Variants in THAP4 observed in about 807,000 individuals in gnomAD.
The protein encoded by THAP4 is THAP domain containing 4.
A neutral mutation model predicts 48.1 loss-of-function variants in THAP4; 18 were observed. That is an observed-to-expected ratio of 0.37 (90% CI 0.26 to 0.56). THAP4 has a LOEUF of 0.56. THAP4 is among the 20% of genes least tolerant of loss of function. The probability of loss-of-function intolerance (pLI) is 0.78; values close to 1 mark genes in which losing one functional copy is unlikely to be tolerated. For synonymous variants in THAP4, 345 were observed against 324.9 expected, an observed-to-expected ratio of 1.06 and a Z score of -0.66; for missense variants, 656 against 774.9, an observed-to-expected ratio of 0.85 and a Z score of 1.82.
chr2:241,612,788 A>T lies in THAP4; in HGVS notation c.1241-6315T>A, dbSNP rs2125085290. Among the ~76,000 whole-genome samples, 1 of 152,306 alleles carries T rather than the reference A, an allele frequency of 6.6e-6. No individual in the cohort carries two copies. Among genetic ancestry groups the T allele is most frequent in the South Asian group, 2.1e-4 (1 of 4,806 alleles). On this transcript the variant is annotated intron_variant, in intron 2 of 5. Transcript: ENST00000407315. This position sits in a 1 kb window ranked among gnomAD's most constrained non-coding sequence, Gnocchi z 4.1. ...CTGTGGCAGAAGACGCTAGAGTCAC[A>T]CGTAGAAGGCGCATGAGGAGGGAAG...
intron 2 of THAP4, among the ~76,000 whole-genome samples, chr2:241,611,317 C>T (rs560373853): frequency 2.0e-5 from 3 of 149,470 alleles, no homozygotes; most frequent in Non-Finnish European, 3.0e-5. Context: ...GCACCCCACG[C>T]GTCTGCCCAG....
In THAP4 at chr2:241,616,766, GGCTT is replaced by G. The variant is rs1559229141; in HGVS notation, c.1241-10297_1241-10294del. On this transcript the variant is annotated intron_variant, in intron 2 of 5. Coordinates refer to ENST00000407315, the MANE Select transcript of THAP4 (RefSeq NM_015963.6). This position sits in a 1 kb window ranked among gnomAD's most constrained non-coding sequence, Gnocchi z 4.6. The stretch of plus-strand genomic sequence containing the variant: ...GCACGCGGCTAAGCAACTAGATGGA[GGCTT>G]ACGGCTGTGAGCAACTAATGGCTGT... Among the ~76,000 whole-genome samples, 1 of 152,166 alleles carries G rather than the reference GGCTT, an allele frequency of 6.6e-6. No homozygotes were observed. Among genetic ancestry groups the G allele is most frequent in the Non-Finnish European group, 1.5e-5 (1 of 68,028 alleles).
intron 2 of THAP4, among the ~76,000 whole-genome samples, chr2:241,628,763 A>C (rs944965952): frequency 1.3e-5 from 2 of 151,212 alleles, no homozygotes; most frequent in East Asian, 2.0e-4. Flanking sequence ...AACAAAAAAA[A>C]CAAAAAAACA....
chr2:241,613,802 T>C (rs1347301580), intron 2 of THAP4, among the ~76,000 whole-genome samples: 1 of 151,802 alleles, frequency 6.6e-6, no homozygotes, highest in Non-Finnish European at 1.5e-5. Context: ...ACAACAAGCA[T>C]AATATAAAAT....
At chr2:241,597,260 A>G (rs1371746874) in intron 5 of THAP4, among the ~76,000 whole-genome samples, 26 of 152,138 alleles carry the variant, frequency 1.7e-4, no homozygotes, top group Admixed American at 1.7e-3. Flanking sequence ...CAGGCTCCCA[A>G]GTAGCTGGGA....
At position 241,590,602 on chromosome 2, in the gene THAP4, T is replaced by C. The variant is rs76668492; in HGVS notation, c.1615-5877A>G. 5.1e-3 allele frequency among the ~76,000 whole-genome samples: 394 copies of C among 77,912 alleles called. 2 individuals are homozygous for C. Among genetic ancestry groups the C allele is most frequent in the African/African-American group, 0.017 (307 of 18,606 alleles). 51.1% of individuals were successfully genotyped at this position (77,912 alleles called of 152,430 possible). ...GGGGCACTAGGACACTCAGAGCTGC[T>C]CGGCTGATGATGATGGGCACTAGGA... On this transcript the variant is annotated intron_variant, in intron 5 of 5. Transcript: ENST00000407315.
At chr2:241,634,635 A>C (rs528031814) in intron 1 of THAP4, among the ~76,000 whole-genome samples, 1 of 152,362 alleles carries the variant, frequency 6.6e-6, no homozygotes, top group Admixed American at 6.5e-5. Flanking sequence ...GCCCACCTCC[A>C]GGAGTAAAAA....
At chr2:241,592,296 G>C (rs2066992427) in intron 5 of THAP4, 2 of 152,422 alleles carry the variant, frequency 1.3e-5, no homozygotes, top group African/African-American at 4.8e-5. Flanking sequence ...GGGCCCTGAA[G>C]TTACAAAGCA....
At chr2:241,587,131 C>T (rs544763686) in intron 5 of THAP4, among the ~76,000 whole-genome samples, 11 of 152,248 alleles carry the variant, frequency 7.2e-5, no homozygotes, top group African/African-American at 2.2e-4. Context: ...CCTAGAAACC[C>T]GGTAAAGGAT....
chr2:241,626,518 T>C (rs1432637674), intron 2 of THAP4, among the ~76,000 whole-genome samples: 1 of 149,148 alleles, frequency 6.7e-6, no homozygotes, highest in Non-Finnish European at 1.5e-5. Context: ...GCTCACATCA[T>C]AAGGAGGAAA....
rs1438367680 is a variant in THAP4, at chr2:241,612,418, G to A, written c.1241-5945C>T. ...GCAGTGGCCCAGGACTGCCACTCCT[G>A]GAGACATGCACTCCCAGCAGAAATG... On this transcript the variant is annotated intron_variant, in intron 2 of 5. Transcript: ENST00000407315. The surrounding 1 kb of genome is among the most constrained non-coding windows in gnomAD (Gnocchi z 4.1). Among the ~76,000 whole-genome samples the A allele has an allele frequency of 6.6e-6, 1 of 152,140 alleles. No individual in the cohort carries two copies.
At chr2:241,599,116 G>A (rs2067083101) in intron 5 of THAP4, among the ~76,000 whole-genome samples, 1 of 152,082 alleles carries the variant, frequency 6.6e-6, no homozygotes, top group African/African-American at 2.4e-5. Context: ...GCTGGGTGTG[G>A]TGGTGCATGC....
intron 5 of THAP4, among the ~76,000 whole-genome samples, chr2:241,596,704 G>A (rs1309417100): frequency 1.3e-5 from 2 of 151,222 alleles, no homozygotes; most frequent in Non-Finnish European, 2.9e-5. Context: ...TACTCAGGAG[G>A]CTGAGGCAGG....
At chr2:241,622,955 C>T (rs1341737791) in intron 2 of THAP4, among the ~76,000 whole-genome samples, 3 of 152,096 alleles carry the variant, frequency 2.0e-5, no homozygotes, top group Admixed American at 6.6e-5. Flanking sequence ...CGGTGGCTCA[C>T]GGCTGTAATC....
rs1225942421 is a variant in THAP4 at position 241,610,233 on chromosome 2, T to C, written c.1241-3760A>G. ...TAGGGTGAGGGGCACGCGCCGCAAG[T>C]CCTGCCTCTGCTCCCGGGCGGCCCC... On this transcript the variant is annotated intron_variant, in intron 2 of 5. Transcript: ENST00000407315. This position sits in a 1 kb window ranked among gnomAD's most constrained non-coding sequence, Gnocchi z 4.2. Among the ~76,000 whole-genome samples the C allele has an allele frequency of 2.0e-5, 3 of 152,144 alleles. No individual in the cohort carries two copies. The highest frequency in any genetic ancestry group is 2.1e-4 in the South Asian group (1 of 4,836).
intron 5 of THAP4, chr2:241,594,837 G>A (rs928467033): frequency 5.7e-6 from 1 of 174,062 alleles, no homozygotes; most frequent in African/African-American, 2.4e-5. Flanking sequence ...AGCTACTGAG[G>A]AGGCTGAGGT....
intron 5 of THAP4, among the ~76,000 whole-genome samples, chr2:241,587,344 C>A (rs1054714875): frequency 1.7e-4 from 26 of 152,192 alleles, no homozygotes. Context: ...GGCCCCCCGA[C>A]CTTTGGACTC....
rs1476491197 is a variant in THAP4 at position 241,616,573 on chromosome 2, G to A, written c.1241-10100C>T. Among the ~76,000 whole-genome samples the A allele has an allele frequency of 3.3e-5, 5 of 152,302 alleles. No homozygotes were observed. The highest frequency in any genetic ancestry group is 1.9e-4 in the East Asian group (1 of 5,188). On this transcript the variant is annotated intron_variant, in intron 2 of 5. Coordinates refer to ENST00000407315, the MANE Select transcript of THAP4 (RefSeq NM_015963.6). This position sits in a 1 kb window ranked among gnomAD's most constrained non-coding sequence, Gnocchi z 4.6. ...CCTGGAGAGAAGCTACCCTGCAGGC[G>A]GCTGCTGCTTCAGGGGCACAGGGCC... is the stretch of plus-strand genomic sequence containing the variant.
At chr2:241,630,416 T>C (rs1169540330) in intron 2 of THAP4, among the ~76,000 whole-genome samples, 1 of 152,098 alleles carries the variant, frequency 6.6e-6, no homozygotes, top group Non-Finnish European at 1.5e-5. Context: ...GGCTGGCTGT[T>C]TGCAAAAACC....
Sources: allele counts gnomAD v4.1 joint callset (sites outside exome capture counted in the v4.1 genomes callset), GRCh38; gene constraint gnomAD v4.1.1; non-coding constraint Gnocchi (gnomAD v3.1); transcripts MANE v1.5; gene names NCBI Gene and HGNC (gene_info 2026-07-23, HGNC 2026-07-21).